The following SYT2 variants were observed in gnomAD, a reference collection of about 807,000 sequenced individuals.
SYT2 encodes the protein synaptotagmin 2.
In SYT2, 15 loss-of-function variants were observed where a neutral mutation model predicts 39.9. The ratio of observed to expected loss-of-function variants is 0.38; its 90% CI spans 0.25 to 0.58. The LOEUF is 0.58. Ranked by LOEUF, SYT2 falls within the 20% of genes least tolerant of loss-of-function variation. The pLI, the probability that SYT2 is intolerant of heterozygous loss-of-function variation, is 0.70. For synonymous variants in SYT2, 181 were observed against 204.5 expected (o/e 0.89, Z 0.98); for missense variants, 389 against 530.3 (o/e 0.73, Z 2.62).
At chr1:202,706,965 T>C (rs1654268090) in intron 1 of SYT2, among the ~76,000 whole-genome samples, 1 of 152,264 alleles carries the variant, frequency 6.6e-6, no homozygotes, top group African/African-American at 2.4e-5. Context: ...TCCTGTTACA[T>C]GCTCTCGAAG....
intron 1 of SYT2, among the ~76,000 whole-genome samples, chr1:202,615,815 C>T (rs938613728): frequency 1.3e-4 from 20 of 152,156 alleles, no homozygotes; most frequent in Non-Finnish European, 7.3e-5. Flanking sequence ...TCTCCCTGAC[C>T]TCCCTGGGCC....
chr1:202,606,434 C>G (rs1420497618), intron 1 of SYT2, among the ~76,000 whole-genome samples: 3 of 152,322 alleles, frequency 2.0e-5, no homozygotes, highest in African/African-American at 7.2e-5. Flanking sequence ...CCAAGGATTT[C>G]TAGATACTAC....
At chr1:202,681,870 A>G (rs1653535088) in intron 1 of SYT2, among the ~76,000 whole-genome samples, 1 of 152,200 alleles carries the variant, frequency 6.6e-6, no homozygotes, top group African/African-American at 2.4e-5. Context: ...AGATATAAGC[A>G]ATGCTGCTTG....
At chr1:202,693,229 G>A (rs965369622) in intron 1 of SYT2, among the ~76,000 whole-genome samples, 1 of 152,200 alleles carries the variant, frequency 6.6e-6, no homozygotes, top group African/African-American at 2.4e-5. Context: ...AGAATTGCAA[G>A]GGTGCTACGG....
chr1:202,637,418 C>T (rs1558442117), intron 1 of SYT2, among the ~76,000 whole-genome samples: 1 of 152,236 alleles, frequency 6.6e-6, no homozygotes, highest in Non-Finnish European at 1.5e-5. Context: ...CACGAGTCGG[C>T]TCAGGACAAA....
At chr1:202,642,995 A>G (rs1429970261) in intron 1 of SYT2, among the ~76,000 whole-genome samples, 1 of 152,226 alleles carries the variant, frequency 6.6e-6, no homozygotes. Context: ...GTTGGGGGCT[A>G]GGGGTTCCCG....
At chr1:202,643,915 G>A (rs2149098943) in intron 1 of SYT2, among the ~76,000 whole-genome samples, 1 of 152,332 alleles carries the variant, frequency 6.6e-6, no homozygotes, top group South Asian at 2.1e-4. Context: ...CGGTTCGGGG[G>A]ATTAGCTGGG....
chr1:202,694,996 C>T (rs1382228719), intron 1 of SYT2, among the ~76,000 whole-genome samples: 1 of 152,170 alleles, frequency 6.6e-6, no homozygotes, highest in Non-Finnish European at 1.5e-5. Context: ...GTCTCACCCC[C>T]TGCTTGGTCT....
chr1:202,647,092 T>A (rs994991845), intron 1 of SYT2, among the ~76,000 whole-genome samples: 3 of 151,988 alleles, frequency 2.0e-5, no homozygotes, highest in African/African-American at 7.2e-5. Context: ...CAGGGTAGGG[T>A]TGGGGAGACC....
intron 1 of SYT2, among the ~76,000 whole-genome samples, chr1:202,610,817 TAA>T (rs1690865646): frequency 1.3e-5 from 2 of 151,824 alleles, no homozygotes; most frequent in Non-Finnish European, 2.9e-5. Flanking sequence ...CTCAATGAAA[TAA>T]AAGAGGATAC....
intron 1 of SYT2, among the ~76,000 whole-genome samples, chr1:202,669,392 C>T (rs1336149111): frequency 1.3e-5 from 2 of 151,906 alleles, no homozygotes; most frequent in Admixed American, 6.6e-5. Flanking sequence ...TGGCTCACAC[C>T]TGTAATCCCA....
Position 202,707,387 on chromosome 1 carries a change from C to T in SYT2, c.-18+2871G>A, listed in dbSNP as rs551119690. 4.6e-5 allele frequency among the ~76,000 whole-genome samples: 7 copies of T among 152,272 alleles called. No individual in the cohort carries two copies. In the South Asian group the frequency reaches 1.5e-3, roughly 32 times the overall value. On this transcript the variant is annotated intron_variant, in intron 1 of 8. Coordinates refer to ENST00000367268, the MANE Select transcript of SYT2 (RefSeq NM_177402.5). ...AACCACTGCACTGAGTGACCCTGCC[C>T]CCCCATTACTCCCTCTGACTTGCTG...
At chr1:202,624,488 G>A (rs1691295431) in intron 1 of SYT2, among the ~76,000 whole-genome samples, 2 of 150,892 alleles carry the variant, frequency 1.3e-5, no homozygotes, top group African/African-American at 2.4e-5. Context: ...TGTGTGTGGT[G>A]TATAGTAAGG....
intron 1 of SYT2, among the ~76,000 whole-genome samples, chr1:202,634,538 C>T (rs749599722): frequency 6.6e-6 from 1 of 151,984 alleles, no homozygotes; most frequent in East Asian, 1.9e-4. Flanking sequence ...GGCATATACC[C>T]GAGAGAAATG....
At chr1:202,611,627 A>AT (rs767306460) in intron 1 of SYT2, among the ~76,000 whole-genome samples, 4 of 152,204 alleles carry the variant, frequency 2.6e-5, no homozygotes, top group Non-Finnish European at 4.4e-5. Context: ...AAGTGCTGGG[A>AT]TTACAGGCAT....
intron 1 of SYT2, among the ~76,000 whole-genome samples, chr1:202,615,740 C>T (rs914360570): frequency 3.9e-5 from 6 of 152,196 alleles, no homozygotes; most frequent in Admixed American, 1.3e-4. Flanking sequence ...ACCCACCAAA[C>T]AGACCCCCAT....
At chr1:202,658,390 C>A (rs1692317043) in intron 1 of SYT2, among the ~76,000 whole-genome samples, 1 of 152,284 alleles carries the variant, frequency 6.6e-6, no homozygotes, top group Admixed American at 6.5e-5. Context: ...CCAGGCCTAG[C>A]CACCGTGTCC....
intron 1 of SYT2, among the ~76,000 whole-genome samples, chr1:202,624,348 G>T (rs1485620511): frequency 8.1e-6 from 1 of 122,730 alleles, no homozygotes; most frequent in African/African-American, 4.1e-5. Context: ...TGGGGTGTCA[G>T]GGGGTATGTG....
At chr1:202,611,741 A>G (rs1278063496) in intron 1 of SYT2, among the ~76,000 whole-genome samples, 2 of 152,178 alleles carry the variant, frequency 1.3e-5, no homozygotes, top group African/African-American at 2.4e-5. Flanking sequence ...TTTTGCTGCC[A>G]TATTTTTGGT....
Sources: gnomAD v4.1 joint callset for allele counts (sites outside exome capture counted in the v4.1 genomes callset) on GRCh38, gnomAD v4.1.1 for gene constraint, MANE v1.5 for transcripts, NCBI Gene and HGNC (gene_info 2026-07-23, HGNC 2026-07-21) for gene names.